The following MATN2 variants were observed in gnomAD, a reference collection of about 807,000 sequenced individuals.
MATN2 encodes matrilin-2.
A neutral mutation model predicts 103.2 loss-of-function variants in MATN2; 69 were observed. That is an observed-to-expected ratio of 0.67 (90% confidence interval 0.55 to 0.82). The LOEUF is 0.82. Ranked by LOEUF, MATN2 falls within the 40% of genes least tolerant of loss-of-function variation. MATN2 has a pLI of 0.00. For synonymous variants in MATN2, 429 were observed against 450.2 expected (o/e 0.95, Z 0.60); for missense variants, 1,023 against 1,211.5 (o/e 0.84, Z 2.31).
intron 7 of MATN2, among the ~76,000 whole-genome samples, chr8:97,999,124 CT>C (rs1486870468): frequency 6.6e-6 from 1 of 152,158 alleles, no homozygotes; most frequent in Non-Finnish European, 1.5e-5. Context: ...GCTTATATTG[CT>C]TGGCATAATG....
intron 18 of MATN2, chr8:98,034,191 G>A (rs544716695): frequency 2.9e-5 from 13 of 454,976 alleles, no homozygotes; most frequent in Non-Finnish European, 4.9e-5. Context: ...CTTCTCTATC[G>A]GCACTCTAAA....
At chr8:97,897,889 C>T (rs528813878) in intron 2 of MATN2, among the ~76,000 whole-genome samples, 5 of 152,328 alleles carry the variant, frequency 3.3e-5, no homozygotes, top group Middle Eastern at 3.4e-3. Context: ...CGTCTGACCT[C>T]CAATAAGCCA....
rs965621662 is a variant in MATN2 at position 98,005,158 on chromosome 8, G to A, written c.1327+1375G>A. Among the ~76,000 whole-genome samples, 3 of 152,248 alleles carry A rather than the reference G, an allele frequency of 2.0e-5. No homozygotes were observed. The highest frequency in any genetic ancestry group is 4.8e-5 in the African/African-American group (2 of 41,474). On this transcript the variant is annotated intron_variant, in intron 8 of 18. Transcript: ENST00000254898. This position sits in a 1 kb window ranked among gnomAD's most constrained non-coding sequence, Gnocchi z 4.6. ...GGTCCAGGGCAGTCCTCAGGAAAGC[G>A]TGGCTCCTCCAGTGTCCAGAGAGAA... is the stretch of plus-strand genomic sequence containing the variant.
At chr8:97,918,645 T>G (rs1462614675) in intron 2 of MATN2, among the ~76,000 whole-genome samples, 1 of 152,204 alleles carries the variant, frequency 6.6e-6, no homozygotes, top group Non-Finnish European at 1.5e-5. Flanking sequence ...TGGGGAGATT[T>G]GCACTTAGGC....
At chr8:97,942,845 T>C (rs545066543) in intron 4 of MATN2, among the ~76,000 whole-genome samples, 82 of 152,244 alleles carry the variant, frequency 5.4e-4, no homozygotes, top group African/African-American at 1.9e-3. Context: ...CTTTTTCATG[T>C]TTCTTCTCAC....
intron 2 of MATN2, among the ~76,000 whole-genome samples, chr8:97,896,104 C>T (rs752400218): frequency 6.6e-6 from 1 of 152,204 alleles, no homozygotes; most frequent in Non-Finnish European, 1.5e-5. Context: ...CTACTGACCT[C>T]CAGCCCTGGC....
chr8:97,941,829 C>T lies in MATN2; in HGVS notation c.765C>T (p.Asn255=). The T allele has an allele frequency of 6.2e-7, 1 of 1,612,936 alleles. No homozygotes were observed. Among genetic ancestry groups the T allele is most frequent in the Non-Finnish European group, 8.5e-7 (1 of 1,179,384 alleles). ...LEHNCAHFCI[N]IPGSYVCRCK... ...ATAACTGTGCCCACTTCTGCATCAA[C>T]ATCCCTGGCTCATACGTCTGCAGGT... is the stretch of plus-strand genomic sequence containing the variant. The change falls in exon 4 of 19, where the codon AAC becomes AAT. Residue 255 remains asparagine (N), a synonymous_variant. Transcript: ENST00000254898.
At chr8:97,911,871 TAAC>T (rs1809453843) in intron 2 of MATN2, among the ~76,000 whole-genome samples, 1 of 152,110 alleles carries the variant, frequency 6.6e-6, no homozygotes, top group Non-Finnish European at 1.5e-5. Flanking sequence ...GGAATAATAA[TAAC>T]AACAATAAAG....
Position 98,033,144 on chromosome 8 carries a change from C to G in MATN2, c.2684C>G (p.Thr895Arg). The change falls in exon 17 of 19, where the codon ACA becomes AGA. Residue 895 changes from threonine (T) to arginine (R), a missense_variant. Thr to Arg is a moderately conservative substitution (Grantham distance 71, BLOSUM62 -1). Coordinates refer to ENST00000254898, the MANE Select transcript of MATN2 (RefSeq NM_002380.5). ...GAAGAAGACAATCTTTTACGGTCTA[C>G]ACAAAAGCTTTCCCATTCAACAAAA... ...LFEEDNLLRS[T>R]QKLSHSTKPS... 1 of 1,608,536 alleles carries G rather than the reference C, an allele frequency of 6.2e-7. No homozygotes were observed. The highest frequency in any genetic ancestry group is 8.5e-7 in the Non-Finnish European group (1 of 1,177,696).
chr8:97,940,985 C>T (rs1442196762), intron 3 of MATN2, among the ~76,000 whole-genome samples: 1 of 151,362 alleles, frequency 6.6e-6, no homozygotes, highest in Non-Finnish European at 1.5e-5. Context: ...ATAGTGAAAC[C>T]CTGTCTCTAC....
intron 6 of MATN2, among the ~76,000 whole-genome samples, chr8:97,986,893 C>T (rs1011623818): frequency 2.8e-4 from 43 of 152,118 alleles, no homozygotes; most frequent in Admixed American, 1.1e-3. Context: ...AGTGCAGTGG[C>T]GCGATCTCGG....
At chr8:97,944,475 A>G (rs1298343465) in intron 4 of MATN2, among the ~76,000 whole-genome samples, 1 of 152,194 alleles carries the variant, frequency 6.6e-6, no homozygotes, top group Non-Finnish European at 1.5e-5. Context: ...TTGCTTTCCC[A>G]AAATTGGTGT....
rs1810202413 is a variant in MATN2 at position 97,931,641 on chromosome 8, A to G, written c.712+119A>G. On this transcript the variant is annotated intron_variant, in intron 3 of 18. Coordinates refer to ENST00000254898, the MANE Select transcript of MATN2 (RefSeq NM_002380.5). This position sits in a 1 kb window ranked among gnomAD's most constrained non-coding sequence, Gnocchi z 4.1. The stretch of plus-strand genomic sequence containing the variant: ...ACTGTGCTGGCAATAGGTTTTCAAC[A>G]AAGGCCAAGATAAACACAACGTGCT... The G allele has an allele frequency of 1.1e-6, 1 of 949,820 alleles. No homozygotes were observed. Among genetic ancestry groups the G allele is most frequent in the Non-Finnish European group, 1.5e-6 (1 of 653,200 alleles). 58.8% of individuals were successfully genotyped at this position (949,820 alleles called of 1,614,324 possible).
rs1256885400 is a variant in MATN2 at position 98,033,543 on chromosome 8, T to G, written c.2717-18T>G. 6.9e-7 allele frequency: 1 copy of G among 1,450,694 alleles called. No individual in the cohort carries two copies. The highest frequency in any genetic ancestry group is 1.3e-5 in the South Asian group (1 of 79,680). The allele number at this position is 1,450,694 out of a possible 1,614,324, so 89.9% of individuals were successfully genotyped here. A position where few individuals can be genotyped will look rare whatever the true frequency, so the allele number is the denominator to read the frequency against. ...CTGGTGGATTCTAGAGGTGAACACT[T>G]TCCATCTGCTTTCTCAGGAAGCCCT... On this transcript the variant is annotated intron_variant, in intron 17 of 18. Coordinates refer to ENST00000254898, the MANE Select transcript of MATN2 (RefSeq NM_002380.5).
intron 6 of MATN2, among the ~76,000 whole-genome samples, chr8:97,990,887 A>C (rs1812368217): frequency 6.6e-6 from 1 of 152,210 alleles, no homozygotes; most frequent in Non-Finnish European, 1.5e-5. Context: ...AAGAGACAGG[A>C]GGAAAGTTTT....
At chr8:97,914,730 G>A (rs1246658985) in intron 2 of MATN2, among the ~76,000 whole-genome samples, 1 of 151,964 alleles carries the variant, frequency 6.6e-6, no homozygotes, top group Admixed American at 6.6e-5. Flanking sequence ...TGTCCTTTAG[G>A]ACCCAGCCTT....
At position 98,007,836 on chromosome 8, in the gene MATN2, T is replaced by C. The variant is rs1270444926; in HGVS notation, c.1573+235T>C. The stretch of plus-strand genomic sequence containing the variant: ...GCTTTTTGCTGTTTCCACCTCCCTG[T>C]CATTCTGAAGCTGGACAGAGCCCTT... On this transcript the variant is annotated intron_variant, in intron 10 of 18. Coordinates refer to ENST00000254898, the MANE Select transcript of MATN2 (RefSeq NM_002380.5). This position sits in a 1 kb window ranked among gnomAD's most constrained non-coding sequence, Gnocchi z 4.2. 2.0e-5 allele frequency among the ~76,000 whole-genome samples: 3 copies of C among 152,158 alleles called. No homozygotes were observed. In the East Asian group the frequency reaches 5.8e-4, roughly 29 times the overall value.
chr8:97,971,341 C>A (rs756944724), intron 5 of MATN2, among the ~76,000 whole-genome samples: 15 of 152,206 alleles, frequency 9.9e-5, no homozygotes, highest in Non-Finnish European at 2.1e-4. Flanking sequence ...CTGTGACCTG[C>A]ATGAAAGTTC....
chr8:97,883,245 A>G (rs1055145099), intron 1 of MATN2, among the ~76,000 whole-genome samples: 1 of 147,878 alleles, frequency 6.8e-6, no homozygotes, highest in African/African-American at 2.5e-5. Context: ...AGATTGCGCG[A>G]TTGCACTCCA....
Sources: gnomAD v4.1 joint callset for allele counts (sites outside exome capture counted in the v4.1 genomes callset) on GRCh38, gnomAD v4.1.1 for gene constraint, Gnocchi (gnomAD v3.1) non-coding constraint, MANE v1.5 for transcripts, NCBI Gene and HGNC (gene_info 2026-07-23, HGNC 2026-07-21) for gene names.